PDE4D: variants seen among roughly 807,000 people sequenced by gnomAD.
PDE4D encodes the protein 3',5'-cyclic-AMP phosphodiesterase 4D.
PDE4D carries 24 observed loss-of-function variants against 87.4 expected under a neutral mutation model. That is an observed-to-expected ratio of 0.27 (90% confidence interval 0.20 to 0.39). The LOEUF is 0.39. Among genes scored for constraint, PDE4D ranks in the 10% least tolerant of loss-of-function variants. PDE4D has a pLI of 1.00. For missense variants in PDE4D, 714 were observed against 1,041.0 expected (o/e 0.69, Z 4.32); for synonymous variants, 384 against 383.2 (o/e 1.00, Z -0.02).
At chr5:59,146,460 ACT>A (rs1351595901) in intron 5 of PDE4D, among the ~76,000 whole-genome samples, 15 of 152,334 alleles carry the variant, frequency 9.8e-5, no homozygotes, top group Non-Finnish European at 2.1e-4. Context: ...CTAGGGTGGT[ACT>A]ACAGGCAAGG....
At chr5:59,658,188 T>C (rs2150271756) in intron 1 of PDE4D, among the ~76,000 whole-genome samples, 1 of 152,300 alleles carries the variant, frequency 6.6e-6, no homozygotes, top group African/African-American at 2.4e-5. Context: ...TAAATATATC[T>C]TATTTAATCC....
At chr5:59,300,925 CACTT>C (rs1419835935) in intron 1 of PDE4D, among the ~76,000 whole-genome samples, 2 of 152,084 alleles carry the variant, frequency 1.3e-5, no homozygotes, top group African/African-American at 4.8e-5. Flanking sequence ...CCCAGGGGAA[CACTT>C]ACTTATGTTT....
chr5:60,180,860 C>T (rs1328168222), intron 2 of PDE4D, among the ~76,000 whole-genome samples: 3 of 151,986 alleles, frequency 2.0e-5, no homozygotes, highest in African/African-American at 7.2e-5. Flanking sequence ...CTTCTTGGAC[C>T]CTGCTGAGTG....
At chr5:59,570,638 C>T (rs530402889) in intron 1 of PDE4D, among the ~76,000 whole-genome samples, 218 of 83,346 alleles carry the variant, frequency 2.6e-3, no homozygotes, top group African/African-American at 9.6e-3. Context: ...ACAATGTTGA[C>T]AAATATGCAA....
intron 1 of PDE4D, among the ~76,000 whole-genome samples, chr5:59,573,736 T>C (rs1223381001): frequency 6.6e-6 from 1 of 151,688 alleles, no homozygotes; most frequent in Non-Finnish European, 1.5e-5. Context: ...AGTGACTCAC[T>C]CCTGTAATCC....
chr5:60,163,175 C>A (rs1451890245), intron 2 of PDE4D, among the ~76,000 whole-genome samples: 1 of 152,114 alleles, frequency 6.6e-6, no homozygotes, highest in African/African-American at 2.4e-5. Context: ...TATGTTGTTT[C>A]ATAAACTGCG....
chr5:59,040,424 C>A (rs1468089173), intron 5 of PDE4D, among the ~76,000 whole-genome samples: 1 of 152,250 alleles, frequency 6.6e-6, no homozygotes, highest in Non-Finnish European at 1.5e-5. Context: ...CATACTACTC[C>A]TTTCCCCTGT....
chr5:59,647,650 T>C (rs771122245), intron 1 of PDE4D, among the ~76,000 whole-genome samples: 1 of 152,110 alleles, frequency 6.6e-6, no homozygotes, highest in Non-Finnish European at 1.5e-5. Context: ...GCTGAAGGTT[T>C]ACAGAGAACA....
intron 1 of PDE4D, among the ~76,000 whole-genome samples, chr5:60,233,196 TACAC>T (rs146827902): frequency 1.4e-4 from 20 of 147,494 alleles, no homozygotes; most frequent in South Asian, 2.1e-4. Context: ...CACACACACA[TACAC>T]ACACACACAC....
chr5:59,734,006 G>T (rs1475164486), intron 1 of PDE4D, among the ~76,000 whole-genome samples: 1 of 151,886 alleles, frequency 6.6e-6, no homozygotes, highest in Admixed American at 6.6e-5. Context: ...AGAGTCTATG[G>T]TATCATAAAC....
At chr5:59,273,704 T>C (rs1764281757) in intron 1 of PDE4D, among the ~76,000 whole-genome samples, 1 of 152,098 alleles carries the variant, frequency 6.6e-6, no homozygotes, top group Admixed American at 6.6e-5. Context: ...ATATTTTTAG[T>C]TAAATGGAAA....
chr5:59,197,658 A>G (rs1745765506), intron 2 of PDE4D, among the ~76,000 whole-genome samples: 1 of 152,238 alleles, frequency 6.6e-6, no homozygotes, highest in Non-Finnish European at 1.5e-5. Flanking sequence ...AAGAAAATAA[A>G]TATAATACAA....
At chr5:59,384,773 T>C (rs1786644415) in intron 1 of PDE4D, among the ~76,000 whole-genome samples, 1 of 152,052 alleles carries the variant, frequency 6.6e-6, no homozygotes, top group African/African-American at 2.4e-5. Flanking sequence ...TACTGGGTTT[T>C]TTTTTCTTGA....
intron 1 of PDE4D, among the ~76,000 whole-genome samples, chr5:59,596,541 A>G (rs144447611): frequency 7.9e-5 from 12 of 151,976 alleles, no homozygotes; most frequent in African/African-American, 2.4e-4. Context: ...TATATCCTCT[A>G]ATGCCTAGAA....
intron 1 of PDE4D, among the ~76,000 whole-genome samples, chr5:59,631,006 C>T (rs1368120130): frequency 1.3e-5 from 2 of 152,098 alleles, no homozygotes; most frequent in African/African-American, 4.8e-5. Context: ...TTGAAGACAT[C>T]TTGTGAAATG....
chr5:59,098,333 TGTTA>T (rs1224677526), intron 5 of PDE4D, among the ~76,000 whole-genome samples: 2 of 152,068 alleles, frequency 1.3e-5, no homozygotes, highest in Non-Finnish European at 2.9e-5. Flanking sequence ...GATGCTAATA[TGTTA>T]GTTAGAAAGT....
intron 2 of PDE4D, among the ~76,000 whole-genome samples, chr5:60,094,826 G>A (rs909901023): frequency 5.9e-5 from 9 of 151,816 alleles, no homozygotes; most frequent in South Asian, 2.1e-4. Flanking sequence ...CATTTCTCTT[G>A]TTTAAGCCAT....
rs1026713923 is a variant in PDE4D, at chr5:60,305,038, T to C, written c.-89-119351A>G. Among the ~76,000 whole-genome samples the C allele has an allele frequency of 5.8e-3, 785 of 135,936 alleles. 7 individuals carry two copies. Among genetic ancestry groups the C allele is most frequent in the African/African-American group, 0.019 (737 of 39,146 alleles). 89.2% of individuals were successfully genotyped at this position (135,936 alleles called of 152,430 possible). ...CTCTAGTTATTTTAGTTTTGAGCTA[T>C]ACACACACACACACACACACACACA... is the stretch of plus-strand genomic sequence containing the variant. On this transcript the variant is annotated intron_variant, in intron 1 of 16. Coordinates refer to the PDE4D transcript ENST00000502484.
chr5:59,649,573 C>A (rs947896528), intron 1 of PDE4D, among the ~76,000 whole-genome samples: 3 of 151,720 alleles, frequency 2.0e-5, no homozygotes, highest in African/African-American at 7.3e-5. Context: ...ATGGTAATGG[C>A]CAAAGGGGAG....
Sources: allele counts gnomAD v4.1 joint callset (sites outside exome capture counted in the v4.1 genomes callset), GRCh38; gene constraint gnomAD v4.1.1; transcripts MANE v1.5; gene names NCBI Gene and HGNC (gene_info 2026-07-23, HGNC 2026-07-21).